Variants in PPARGC1B observed in about 807,000 individuals in gnomAD.
The protein encoded by PPARGC1B is peroxisome proliferator-activated receptor gamma coactivator 1-beta.
Under a neutral mutation model 101.6 loss-of-function variants are expected in PPARGC1B, and 34 were observed. The observed-to-expected ratio is 0.33, with a 90% CI of 0.25 to 0.45. The LOEUF is 0.45. Ranked by LOEUF, PPARGC1B falls within the 20% of genes least tolerant of loss-of-function variation. The probability of loss-of-function intolerance (pLI) is 1.00; values close to 1 mark genes in which losing one functional copy is unlikely to be tolerated. For missense variants in PPARGC1B, 1,234 were observed against 1,317.6 expected (o/e 0.94, Z 0.98); for synonymous variants, 548 against 539.3 (o/e 1.02, Z -0.22).
chr5:149,771,833 TG>T (rs949682881), intron 1 of PPARGC1B: 1 of 389,820 alleles, frequency 2.6e-6, no homozygotes, highest in African/African-American at 2.1e-5. Context: ...GGCTCTGAGT[TG>T]TAGCATTTTC....
intron 9 of PPARGC1B, among the ~76,000 whole-genome samples, chr5:149,840,921 G>GGTA (rs1477241428): frequency 3.3e-4 from 51 of 152,266 alleles, no homozygotes; most frequent in African/African-American, 1.2e-3. Context: ...CTGCACACAG[G>GGTA]TCCTTAAAAC....
chr5:149,790,439 T>C (rs1298488342), intron 1 of PPARGC1B, among the ~76,000 whole-genome samples: 1 of 152,130 alleles, frequency 6.6e-6, no homozygotes, highest in East Asian at 1.9e-4. Context: ...CAGACAGGTC[T>C]GCAGTCATCG....
At chr5:149,766,857 A>G (rs771232959) in intron 1 of PPARGC1B, among the ~76,000 whole-genome samples, 1 of 152,228 alleles carries the variant, frequency 6.6e-6, no homozygotes, top group South Asian at 2.1e-4. Context: ...TTTTCTCTGA[A>G]TGGCTCTCAG....
In PPARGC1B at chr5:149,851,737, G is replaced by A. The variant is rs1289375103; in HGVS notation, c.*4179G>A. 6.6e-6 allele frequency: 1 copy of A among 152,272 alleles called. No individual in the cohort carries two copies. Among genetic ancestry groups the A allele is most frequent in the Non-Finnish European group, 1.5e-5 (1 of 68,098 alleles). 9.4% of individuals were successfully genotyped at this position (152,272 alleles called of 1,614,324 possible). ...GATGGGCTCCAGGTCTGCTCGTCAA[G>A]TTTGGAGGTACCGGGTAAATGGAGG... On this transcript the variant is annotated 3_prime_UTR_variant, in exon 12 of 12. Transcript: ENST00000309241.
chr5:149,771,954 A>G, intron 1 of PPARGC1B: 2 of 1,290,832 alleles, frequency 1.5e-6, no homozygotes, highest in Non-Finnish European at 2.1e-6. Flanking sequence ...TCTCATTTTA[A>G]TCCTCAAGCA....
chr5:149,756,696 C>T (rs904074772), intron 1 of PPARGC1B, among the ~76,000 whole-genome samples: 8 of 152,128 alleles, frequency 5.3e-5, no homozygotes, highest in African/African-American at 1.9e-4. Context: ...GTAGACTCTG[C>T]AGATCACTTT....
chr5:149,779,112 G>A (rs1035262333), intron 1 of PPARGC1B, among the ~76,000 whole-genome samples: 6 of 152,138 alleles, frequency 3.9e-5, no homozygotes, highest in Non-Finnish European at 7.3e-5. Context: ...AAGGCCCATC[G>A]TGATCTGACC....
intron 1 of PPARGC1B, among the ~76,000 whole-genome samples, chr5:149,739,652 G>T (rs1344123230): frequency 6.6e-6 from 1 of 152,212 alleles, no homozygotes; most frequent in East Asian, 1.9e-4. Flanking sequence ...GGGCCAGGGT[G>T]GGTAGTCCTC....
chr5:149,734,747 CTG>C (rs1315165334), intron 1 of PPARGC1B, among the ~76,000 whole-genome samples: 1 of 152,200 alleles, frequency 6.6e-6, no homozygotes, highest in Admixed American at 6.5e-5. Flanking sequence ...ACCCAGATAA[CTG>C]TTGATATTTT....
Position 149,836,463 on chromosome 5 carries a change from C to T in PPARGC1B, c.2008C>T (p.His670Tyr), listed in dbSNP as rs373298825. 2 of 1,614,066 alleles carry T rather than the reference C, an allele frequency of 1.2e-6. No individual in the cohort carries two copies. The highest frequency in any genetic ancestry group is 1.7e-5 in the Admixed American group (1 of 60,030). The change falls in exon 8 of 12, where the codon CAT (histidine) becomes TAT (tyrosine). Residue 670 changes from histidine to tyrosine, a missense_variant. Coordinates refer to ENST00000309241, the MANE Select transcript of PPARGC1B (RefSeq NM_133263.4). ...ERSELLSHLR[H>Y]ATAQPASQAG... ...AAGTGAGCTCCTGTCCCACCTGCGA[C>T]ATGCCACAGCCCAGCCAGCCTCCCA...
rs1756152345 is a variant in PPARGC1B, at chr5:149,772,065, G to A, written c.78+41645G>A. The A allele has an allele frequency of 7.7e-6, 12 of 1,557,264 alleles. No homozygotes were observed. In the East Asian group the frequency reaches 2.6e-4, roughly 34 times the overall value. Reference sequence around the variant, plus strand: ...ACGTGCCAGGCTGTGCACAGGTGGGGACCTCTGAGGGGCCTGCTCTGATCT... The same window carrying A: ...ACGTGCCAGGCTGTGCACAGGTGGGAACCTCTGAGGGGCCTGCTCTGATCT... On this transcript the variant is annotated intron_variant, in intron 1 of 11. Coordinates refer to ENST00000309241, the MANE Select transcript of PPARGC1B (RefSeq NM_133263.4).
chr5:149,761,184 G>A (rs1755703767), intron 1 of PPARGC1B, among the ~76,000 whole-genome samples: 1 of 152,138 alleles, frequency 6.6e-6, no homozygotes, highest in African/African-American at 2.4e-5. Context: ...ACTGTGAAAA[G>A]ATGACCACAA....
intron 1 of PPARGC1B, among the ~76,000 whole-genome samples, chr5:149,790,360 C>T (rs914160035): frequency 6.6e-6 from 1 of 152,044 alleles, no homozygotes; most frequent in African/African-American, 2.4e-5. Flanking sequence ...GCTTCCCCTA[C>T]AGAACATCAG....
chr5:149,760,574 G>A (rs978226179), intron 1 of PPARGC1B, among the ~76,000 whole-genome samples: 11 of 152,194 alleles, frequency 7.2e-5, no homozygotes, highest in African/African-American at 2.7e-4. Flanking sequence ...ATCAGGGGGT[G>A]GCAGCAAGTG....
At chr5:149,755,013 T>G (rs145898387) in intron 1 of PPARGC1B, among the ~76,000 whole-genome samples, 1 of 146,072 alleles carries the variant, frequency 6.8e-6, no homozygotes, top group Admixed American at 6.8e-5. Context: ...TACATATATA[T>G]ATACCCACAC....
At chr5:149,739,326 C>A (rs1001864464) in intron 1 of PPARGC1B, among the ~76,000 whole-genome samples, 1 of 152,180 alleles carries the variant, frequency 6.6e-6, no homozygotes, top group Non-Finnish European at 1.5e-5. Context: ...TGGATTTCTC[C>A]CAATAACTGT....
At chr5:149,778,071 A>T (rs1756456029) in intron 1 of PPARGC1B, among the ~76,000 whole-genome samples, 1 of 67,214 alleles carries the variant, frequency 1.5e-5, no homozygotes, top group Non-Finnish European at 2.6e-5. Context: ...TCTCACACAC[A>T]CACACACACA....
chr5:149,786,023 A>T (rs1293354275), intron 1 of PPARGC1B, among the ~76,000 whole-genome samples: 1 of 148,962 alleles, frequency 6.7e-6, no homozygotes, highest in Non-Finnish European at 1.5e-5. Flanking sequence ...GGCTCAAGGG[A>T]TATTCCTGCC....
chr5:149,810,509 C>T (rs1461304869), intron 1 of PPARGC1B, among the ~76,000 whole-genome samples: 1 of 152,230 alleles, frequency 6.6e-6, no homozygotes, highest in Non-Finnish European at 1.5e-5. Flanking sequence ...TCATCTCACC[C>T]CGACACAGCA....
Sources: allele counts gnomAD v4.1 joint callset (sites outside exome capture counted in the v4.1 genomes callset), GRCh38; gene constraint gnomAD v4.1.1; transcripts MANE v1.5; gene names NCBI Gene and HGNC (gene_info 2026-07-23, HGNC 2026-07-21).